SNX27: variants seen among roughly 807,000 people sequenced by gnomAD.
The protein encoded by SNX27 is sorting nexin 27.
Under a neutral mutation model 71.6 loss-of-function variants are expected in SNX27, and 22 were observed. The ratio of observed to expected loss-of-function variants is 0.31; its 90% CI spans 0.22 to 0.44. The LOEUF (loss-of-function observed/expected upper bound fraction) is 0.44. SNX27 is among the 20% of genes least tolerant of loss of function. The pLI is 1.00. For missense variants in SNX27, 531 were observed against 698.6 expected (o/e 0.76, Z 2.70); for synonymous variants, 269 against 277.2 (o/e 0.97, Z 0.29).
chr1:151,682,000 G>A (rs1206739939), intron 7 of SNX27, among the ~76,000 whole-genome samples: 1 of 152,138 alleles, frequency 6.6e-6, no homozygotes, highest in Non-Finnish European at 1.5e-5. Flanking sequence ...TTATCAATAA[G>A]TGCTTCCATT....
intron 1 of SNX27, among the ~76,000 whole-genome samples, chr1:151,624,637 G>A (rs1667839506): frequency 6.6e-6 from 1 of 151,344 alleles, no homozygotes; most frequent in South Asian, 2.1e-4. Context: ...TCACCATATT[G>A]ATCAGGTTGG....
At chr1:151,633,641 C>A (rs1668345295) in intron 1 of SNX27, among the ~76,000 whole-genome samples, 1 of 150,542 alleles carries the variant, frequency 6.6e-6, no homozygotes, top group Admixed American at 6.6e-5. Context: ...CCCCTCCAGA[C>A]AACAAGTGAT....
chr1:151,636,800 C>T (rs1668478318), intron 1 of SNX27, among the ~76,000 whole-genome samples: 1 of 151,328 alleles, frequency 6.6e-6, no homozygotes, highest in African/African-American at 2.4e-5. Context: ...TTTCTCAGAA[C>T]TAGTAAGGCC....
chr1:151,687,945 CA>C (rs10580377), intron 8 of SNX27, among the ~76,000 whole-genome samples: 3,719 of 111,384 alleles, frequency 0.033, 136 homozygotes, highest in African/African-American at 0.095. Flanking sequence ...GAGTCTGTCT[CA>C]AAAAAAAAAA....
intron 1 of SNX27, among the ~76,000 whole-genome samples, chr1:151,625,708 C>T (rs193033055): frequency 1.5e-3 from 219 of 147,478 alleles, no homozygotes; most frequent in African/African-American, 5.0e-3. Context: ...TCACTTGAAC[C>T]GGGGCGGTGG....
In SNX27 at chr1:151,695,331, C is replaced by T. The variant is rs776591168; in HGVS notation, c.*914C>T. 2.0e-5 allele frequency: 3 copies of T among 151,780 alleles called. No homozygotes were observed. Among genetic ancestry groups the T allele is most frequent in the Non-Finnish European group, 4.4e-5 (3 of 67,984 alleles). 9.4% of individuals were successfully genotyped at this position (151,780 alleles called of 1,614,324 possible). On this transcript the variant is annotated 3_prime_UTR_variant, in exon 12 of 12. Coordinates refer to ENST00000458013, the MANE Select transcript of SNX27 (RefSeq NM_001330723.2). ...GAGCCTCGGTATGCTTTCCCTCAAC[C>T]GACCCTGGCTCAGGAGGTTGATGCC...
At chr1:151,637,990 G>A (rs1166018090) in intron 1 of SNX27, among the ~76,000 whole-genome samples, 1 of 152,244 alleles carries the variant, frequency 6.6e-6, no homozygotes, top group African/African-American at 2.4e-5. Flanking sequence ...TTTGCTGAGA[G>A]AGCAGCTGGA....
At chr1:151,694,302 TTTGTGGAG>T (rs1016023914) in intron 11 of SNX27, 60 bp from the exon 12 acceptor site, 1 of 1,543,184 alleles carries the variant, frequency 6.5e-7, no homozygotes, top group Non-Finnish European at 8.7e-7. Context: ...TTAGCTTCTG[TTTGTGGAG>T]TTGTCTCCAG....
At chr1:151,642,093 G>T (rs1215912795) in intron 2 of SNX27, among the ~76,000 whole-genome samples, 1 of 151,074 alleles carries the variant, frequency 6.6e-6, no homozygotes, top group Non-Finnish European at 1.5e-5. Flanking sequence ...GATAAGCCAG[G>T]CGCAGTGGTT....
chr1:151,631,669 T>G (rs1287427175), intron 1 of SNX27, among the ~76,000 whole-genome samples: 3 of 152,346 alleles, frequency 2.0e-5, no homozygotes, highest in Non-Finnish European at 4.4e-5. Context: ...AAGAAAATGC[T>G]TTACAATCTT....
rs907054277 is a variant in SNX27, at chr1:151,697,312, T to A, written c.*2895T>A. The stretch of plus-strand genomic sequence containing the variant: ...AGAGTGGGACAGTAGTGAACAGAGC[T>A]GGGATTCCATGCGACAGCTTGAATG... On this transcript the variant is annotated 3_prime_UTR_variant, in exon 12 of 12. Coordinates refer to ENST00000458013, the MANE Select transcript of SNX27 (RefSeq NM_001330723.2). 2 of 152,198 alleles carry A rather than the reference T, an allele frequency of 1.3e-5. No homozygotes were observed. Among genetic ancestry groups the A allele is most frequent in the Non-Finnish European group, 2.9e-5 (2 of 68,042 alleles). 9.4% of individuals were successfully genotyped at this position (152,198 alleles called of 1,614,324 possible).
At chr1:151,643,730 G>A (rs1260405583) in intron 2 of SNX27, among the ~76,000 whole-genome samples, 1 of 151,546 alleles carries the variant, frequency 6.6e-6, no homozygotes, top group African/African-American at 2.4e-5. Flanking sequence ...GTGCAATCTC[G>A]GCTCACCGCA....
intron 6 of SNX27, chr1:151,667,306 A>G (rs1423643388): frequency 6.6e-6 from 1 of 152,308 alleles, no homozygotes; most frequent in Admixed American, 6.6e-5. Context: ...CAAAAAGGCA[A>G]TTTAGAAATT....
At chr1:151,694,009 G>A in intron 11 of SNX27, 1 of 1,216,896 alleles carries the variant, frequency 8.2e-7, no homozygotes, top group Non-Finnish European at 1.0e-6. Context: ...AAAGAATCAG[G>A]AGGTCAAGTC....
chr1:151,668,542 C>T lies in SNX27; in HGVS notation c.1056C>T (p.Gly352=). 4 of 1,614,036 alleles carry T rather than the reference C, an allele frequency of 2.5e-6. No individual in the cohort carries two copies. The highest frequency in any genetic ancestry group is 2.5e-6 in the Non-Finnish European group (3 of 1,179,942). ...YIQNYTSAVP[G]TCLTIRKWLF... ...AGAATTATACATCAGCTGTGCCAGGCACCTGCTTGACCATTCGAAAGTGGC... is the reference window on the plus strand; with the variant it reads ...AGAATTATACATCAGCTGTGCCAGGTACCTGCTTGACCATTCGAAAGTGGC... Residue 352 remains glycine, a synonymous_variant, in exon 7 of 12, where the codon GGC becomes GGT. Coordinates refer to ENST00000458013, the MANE Select transcript of SNX27 (RefSeq NM_001330723.2).
chr1:151,694,242 A>G (rs1319557113), intron 11 of SNX27, 128 bp from the exon 12 acceptor site: 3 of 1,469,192 alleles, frequency 2.0e-6, no homozygotes, highest in African/African-American at 1.4e-5. Context: ...ATGAGAAGTT[A>G]TATCAAGAAA....
At position 151,694,350 on chromosome 1, in the gene SNX27, C is replaced by CT. The variant is rs745946161; in HGVS notation, c.1579-9dup. On this transcript the variant is annotated intron_variant, in intron 11 of 11. Coordinates refer to ENST00000458013, the MANE Select transcript of SNX27 (RefSeq NM_001330723.2). ...GAGGAGATGTGCCTTCCCAATAACT[C>CT]TTTTTTTTTTTCCTTTCAGAACATT... The CT allele has an allele frequency of 8.2e-3, 8,673 of 1,058,694 alleles. No individual in the cohort carries two copies. The highest frequency in any genetic ancestry group is 0.015 in the South Asian group (852 of 56,186). The allele number at this position is 1,058,694 out of a possible 1,614,324, so 65.6% of individuals were successfully genotyped here. A position where few individuals can be genotyped will look rare whatever the true frequency, so the allele number is the denominator to read the frequency against.
chr1:151,620,010 C>G (rs1356804756), intron 1 of SNX27, among the ~76,000 whole-genome samples: 1 of 152,132 alleles, frequency 6.6e-6, no homozygotes, highest in Non-Finnish European at 1.5e-5. Flanking sequence ...ACAGCTCATA[C>G]AAGGCTTTTA....
chr1:151,612,158 C>CT lies in SNX27; in HGVS notation c.-42dup. 7.7e-7 allele frequency: 1 copy of CT among 1,303,162 alleles called. No homozygotes were observed. Among genetic ancestry groups the CT allele is most frequent in the Non-Finnish European group, 9.8e-7 (1 of 1,024,586 alleles). The allele number at this position is 1,303,162 out of a possible 1,614,324, so 80.7% of individuals were successfully genotyped here. ...GCAGGGCGAGCACGCGCCGGGAGGC[C>CT]TTGGAGGCGTAGGGGGCGGGGGTAC... On this transcript the variant is annotated 5_prime_UTR_variant, in exon 1 of 12. Transcript: ENST00000458013. This position sits in a 1 kb window ranked among gnomAD's most constrained non-coding sequence, Gnocchi z 5.2.
Sources: allele counts gnomAD v4.1 joint callset (sites outside exome capture counted in the v4.1 genomes callset), GRCh38; gene constraint gnomAD v4.1.1; non-coding constraint Gnocchi (gnomAD v3.1); transcripts MANE v1.5; gene names NCBI Gene and HGNC (gene_info 2026-07-23, HGNC 2026-07-21).